The following PLCXD3 variants were observed in gnomAD, a reference collection of about 807,000 sequenced individuals.
PLCXD3 encodes the protein PI-PLC X domain-containing protein 3.
A neutral mutation model predicts 25.5 loss-of-function variants in PLCXD3; 19 were observed. The ratio of observed to expected loss-of-function variants is 0.75; its 90% CI spans 0.52 to 1.09. PLCXD3 has a LOEUF of 1.09. Ranked by LOEUF, PLCXD3 falls within the 50% of genes least tolerant of loss-of-function variation. PLCXD3 has a pLI of 0.00. For missense variants in PLCXD3, 411 were observed against 388.1 expected, an observed-to-expected ratio of 1.06 and a Z score of -0.50; for synonymous variants, 174 against 137.6, an observed-to-expected ratio of 1.26 and a Z score of -1.85.
rs984354461 is a variant in PLCXD3, at chr5:41,429,397, A to C, written c.104-46863T>G. On this transcript the variant is annotated intron_variant, in intron 1 of 2. Transcript: ENST00000377801. ...ATGAGGGGAATCAGGGGAGGGAGGGAGAGAAGGCGGAGGAGAGAGAGAGAG... is the reference window on the plus strand; with the variant it reads ...ATGAGGGGAATCAGGGGAGGGAGGGCGAGAAGGCGGAGGAGAGAGAGAGAG... Among the ~76,000 whole-genome samples the C allele has an allele frequency of 4.6e-5, 7 of 152,164 alleles. 1 individual carries two copies. The Middle Eastern group carries it at 0.01, about 222-fold the overall frequency.
At chr5:41,415,042 A>G (rs906525236) in intron 1 of PLCXD3, among the ~76,000 whole-genome samples, 5 of 152,212 alleles carry the variant, frequency 3.3e-5, no homozygotes, top group African/African-American at 1.2e-4. Context: ...GGATGTAGGT[A>G]TAGGAAAAAA....
intron 1 of PLCXD3, among the ~76,000 whole-genome samples, chr5:41,478,973 A>C (rs538147102): frequency 3.7e-4 from 57 of 152,272 alleles, no homozygotes; most frequent in African/African-American, 1.1e-3. Flanking sequence ...GCAAGGGGGA[A>C]GTCTGCCCCC....
intron 1 of PLCXD3, among the ~76,000 whole-genome samples, chr5:41,467,045 T>C (rs1478704125): frequency 1.3e-5 from 2 of 152,160 alleles, no homozygotes; most frequent in Middle Eastern, 3.2e-3. Flanking sequence ...TTTGACATGT[T>C]GGTTTCAGTT....
intron 1 of PLCXD3, among the ~76,000 whole-genome samples, chr5:41,400,058 C>A (rs1746130583): frequency 6.6e-6 from 1 of 152,020 alleles, no homozygotes; most frequent in Non-Finnish European, 1.5e-5. Context: ...CAAAAGAAGG[C>A]ATACAAAGAC....
chr5:41,439,990 G>T (rs1472694989), intron 1 of PLCXD3, among the ~76,000 whole-genome samples: 1 of 152,096 alleles, frequency 6.6e-6, no homozygotes, highest in Non-Finnish European at 1.5e-5. Flanking sequence ...GTGAGTTTTA[G>T]AAATGGAAAG....
At chr5:41,473,646 C>T (rs542990004) in intron 1 of PLCXD3, among the ~76,000 whole-genome samples, 6 of 151,926 alleles carry the variant, frequency 3.9e-5, no homozygotes, top group African/African-American at 7.2e-5. Flanking sequence ...TTAATAGATA[C>T]GGGGTTTCAC....
intron 1 of PLCXD3, among the ~76,000 whole-genome samples, chr5:41,483,960 C>T (rs1042101303): frequency 6.6e-6 from 1 of 151,964 alleles, no homozygotes; most frequent in African/African-American, 2.4e-5. Flanking sequence ...TTTTTAAAGG[C>T]TCCAAATGCA....
chr5:41,313,890 C>T, intron 2 of PLCXD3, 120 bp from the exon 3 acceptor site: 1 of 1,238,870 alleles, frequency 8.1e-7, no homozygotes, highest in Non-Finnish European at 1.1e-6. Flanking sequence ...CGTATAGGTA[C>T]AGGAAGGGGA....
chr5:41,366,293 A>G (rs1744936401), intron 2 of PLCXD3, among the ~76,000 whole-genome samples: 1 of 152,200 alleles, frequency 6.6e-6, no homozygotes, highest in Non-Finnish European at 1.5e-5. Context: ...TTGAAACTAC[A>G]ATGCCAAAGA....
chr5:41,376,809 A>G (rs73077913), intron 2 of PLCXD3, among the ~76,000 whole-genome samples: 5,842 of 152,192 alleles, frequency 0.038, 379 homozygotes, highest in African/African-American at 0.13. Context: ...AATGGCAAAT[A>G]CCAATTTTAA....
chr5:41,448,054 G>A (rs1021301834), intron 1 of PLCXD3, among the ~76,000 whole-genome samples: 5 of 152,226 alleles, frequency 3.3e-5, no homozygotes, highest in African/African-American at 7.2e-5. Context: ...TGGTGCAGCT[G>A]TAACTGAAAG....
intron 1 of PLCXD3, among the ~76,000 whole-genome samples, chr5:41,404,498 G>T (rs952727908): frequency 1.3e-5 from 2 of 152,026 alleles, no homozygotes; most frequent in African/African-American, 2.4e-5. Context: ...TTAAGTTGCA[G>T]AATTTAGGTT....
chr5:41,353,888 T>C (rs967938393), intron 2 of PLCXD3, among the ~76,000 whole-genome samples: 2 of 152,218 alleles, frequency 1.3e-5, no homozygotes, highest in African/African-American at 4.8e-5. Context: ...GAACTACAGA[T>C]AGCTGCCTCA....
Position 41,308,524 on chromosome 5 carries a change from A to T in PLCXD3, c.*5093T>A, listed in dbSNP as rs1743053589. The T allele has an allele frequency of 6.6e-6, 1 of 152,044 alleles. No individual in the cohort carries two copies. The highest frequency in any genetic ancestry group is 1.5e-5 in the Non-Finnish European group (1 of 67,970). The allele number at this position is 152,044 out of a possible 1,614,324, so 9.4% of individuals were successfully genotyped here. ...GCTTCAAGCATGACCACATGTGTAG[A>T]TCCTTGTCAGTCATGAGTTTTCTAT... On this transcript the variant is annotated 3_prime_UTR_variant, in exon 3 of 3. Coordinates refer to ENST00000377801, the MANE Select transcript of PLCXD3 (RefSeq NM_001005473.3).
intron 1 of PLCXD3, among the ~76,000 whole-genome samples, chr5:41,403,262 G>C: frequency 6.8e-6 from 1 of 147,052 alleles, no homozygotes; most frequent in Non-Finnish European, 1.5e-5. Flanking sequence ...CTAAAAACAA[G>C]ATTAGAAAAG....
At chr5:41,416,357 A>C (rs1203669093) in intron 1 of PLCXD3, among the ~76,000 whole-genome samples, 1 of 152,244 alleles carries the variant, frequency 6.6e-6, no homozygotes, top group African/African-American at 2.4e-5. Context: ...TTGCTCAAAA[A>C]ATGCTTAATG....
intron 1 of PLCXD3, among the ~76,000 whole-genome samples, chr5:41,471,342 A>G (rs2446961): frequency 0.89 from 134,851 of 152,162 alleles, 60,204 homozygotes; most frequent in Admixed American, 0.94. Flanking sequence ...GAGAAAACCC[A>G]TGCACTAGTG....
intron 1 of PLCXD3, among the ~76,000 whole-genome samples, chr5:41,417,877 C>A (rs1337943534): frequency 1.3e-5 from 2 of 152,170 alleles, no homozygotes; most frequent in East Asian, 3.9e-4. Context: ...GCTGACTGAG[C>A]AGGTTGTTGG....
intron 1 of PLCXD3, among the ~76,000 whole-genome samples, chr5:41,503,617 G>A (rs557036985): frequency 6.6e-6 from 1 of 152,150 alleles, no homozygotes; most frequent in Admixed American, 6.5e-5. Flanking sequence ...AAAAACATAT[G>A]GTGCTGTAAA....
Sources: gnomAD v4.1 joint callset for allele counts (sites outside exome capture counted in the v4.1 genomes callset) on GRCh38, gnomAD v4.1.1 for gene constraint, MANE v1.5 for transcripts, NCBI Gene and HGNC (gene_info 2026-07-23, HGNC 2026-07-21) for gene names.